SLC22A3: variants seen among roughly 807,000 people sequenced by gnomAD.
SLC22A3 encodes the protein EMT organic cation transporter 3.
A neutral mutation model predicts 59.1 loss-of-function variants in SLC22A3; 51 were observed. The observed-to-expected ratio is 0.86, with a 90% confidence interval of 0.69 to 1.09. The LOEUF (loss-of-function observed/expected upper bound fraction) is 1.09, where lower values mean the gene tolerates loss of function less well. SLC22A3 is among the 50% of genes least tolerant of loss of function. The probability of loss-of-function intolerance (pLI) is 0.00; values close to 1 mark genes in which losing one functional copy is unlikely to be tolerated. For synonymous variants in SLC22A3, 325 were observed against 292.0 expected, an observed-to-expected ratio of 1.11 and a Z score of -1.15; for missense variants, 711 against 726.3, an observed-to-expected ratio of 0.98 and a Z score of 0.24.
intron 1 of SLC22A3, among the ~76,000 whole-genome samples, chr6:160,372,672 T>A (rs967170991): frequency 1.1e-4 from 16 of 152,166 alleles, no homozygotes; most frequent in Non-Finnish European, 2.2e-4. Context: ...AGTCTCATAT[T>A]TCTTGGAGGC....
chr6:160,428,206 G>T (rs1788034665), intron 5 of SLC22A3, among the ~76,000 whole-genome samples: 2 of 152,108 alleles, frequency 1.3e-5, no homozygotes, highest in South Asian at 4.1e-4. Context: ...CAATACTGAG[G>T]CTGCCCTCTG....
In SLC22A3 at chr6:160,367,703, G is replaced by A. The variant is rs189677189; in HGVS notation, c.429+18855G>A. Among the ~76,000 whole-genome samples the A allele has an allele frequency of 5.9e-5, 9 of 152,298 alleles. No individual in the cohort carries two copies. In the East Asian group the frequency reaches 1.5e-3, roughly 26 times the overall value. On this transcript the variant is annotated intron_variant, in intron 1 of 10. Coordinates refer to ENST00000275300, the MANE Select transcript of SLC22A3 (RefSeq NM_021977.4). ...CTGAAATGCACTAATATGCTCATTTGTGAGGTAGTACAGAGTGGTCAGGGC... is the reference window on the plus strand; with the variant it reads ...CTGAAATGCACTAATATGCTCATTTATGAGGTAGTACAGAGTGGTCAGGGC...
intron 1 of SLC22A3, among the ~76,000 whole-genome samples, chr6:160,359,667 T>A (rs557466954): frequency 6.6e-6 from 1 of 152,322 alleles, no homozygotes; most frequent in South Asian, 2.1e-4. Flanking sequence ...TGTAATTAAA[T>A]CTAGCCTTCT....
intron 1 of SLC22A3, among the ~76,000 whole-genome samples, chr6:160,389,762 T>C (rs908642422): frequency 2.0e-5 from 3 of 152,164 alleles, no homozygotes; most frequent in African/African-American, 7.2e-5. Flanking sequence ...GAAACCCTGG[T>C]AGTGCCAGGT....
intron 1 of SLC22A3, among the ~76,000 whole-genome samples, chr6:160,360,842 A>T (rs559897869): frequency 6.6e-6 from 1 of 152,242 alleles, no homozygotes; most frequent in Non-Finnish European, 1.5e-5. Context: ...GTGATCATGG[A>T]GCTGGGATCC....
intron 1 of SLC22A3, among the ~76,000 whole-genome samples, chr6:160,378,612 C>T (rs962477964): frequency 2.0e-5 from 3 of 152,122 alleles, no homozygotes; most frequent in Admixed American, 6.5e-5. Context: ...AGAGGCTCCT[C>T]GACTTAGGAT....
intron 1 of SLC22A3, among the ~76,000 whole-genome samples, chr6:160,352,795 A>G (rs1017266969): frequency 2.0e-5 from 3 of 152,168 alleles, no homozygotes; most frequent in African/African-American, 7.2e-5. Context: ...TGTTGATGAC[A>G]AAAGTGTTTT....
intron 5 of SLC22A3, among the ~76,000 whole-genome samples, chr6:160,430,585 G>C (rs1310022160): frequency 6.6e-6 from 1 of 152,140 alleles, no homozygotes. Context: ...ACACAGTCTT[G>C]GCAGAATTAA....
chr6:160,385,669 C>T (rs1785977586), intron 1 of SLC22A3, among the ~76,000 whole-genome samples: 1 of 152,234 alleles, frequency 6.6e-6, no homozygotes, highest in South Asian at 2.1e-4. Context: ...TGCAGCCTTC[C>T]TCTGCCTTCC....
chr6:160,426,157 C>T (rs1787943521), intron 5 of SLC22A3: 1 of 985,322 alleles, frequency 1.0e-6, no homozygotes, highest in Admixed American at 6.1e-5. Context: ...TCTTCAAACT[C>T]TTCAGCTATA....
intron 1 of SLC22A3, among the ~76,000 whole-genome samples, chr6:160,353,146 T>G (rs1032523997): frequency 1.8e-4 from 28 of 152,296 alleles, no homozygotes; most frequent in South Asian, 1.0e-3. Flanking sequence ...AGGACTCTAA[T>G]GAGTGAACAG....
At chr6:160,413,974 A>C (rs1699194159) in intron 5 of SLC22A3, among the ~76,000 whole-genome samples, 1 of 152,172 alleles carries the variant, frequency 6.6e-6, no homozygotes, top group African/African-American at 2.4e-5. Flanking sequence ...GGAATAAAAA[A>C]ATTCCTGGGG....
chr6:160,370,283 T>C (rs1053279719), intron 1 of SLC22A3, among the ~76,000 whole-genome samples: 4 of 152,236 alleles, frequency 2.6e-5, no homozygotes, highest in Non-Finnish European at 4.4e-5. Context: ...GGCAAAGTTT[T>C]GAAAGAGCAT....
intron 1 of SLC22A3, among the ~76,000 whole-genome samples, chr6:160,364,904 C>T (rs1054291610): frequency 1.4e-4 from 22 of 152,106 alleles, no homozygotes; most frequent in Admixed American, 4.6e-4. Context: ...CTTTTAATAG[C>T]TATGCTCTGT....
intron 1 of SLC22A3, among the ~76,000 whole-genome samples, chr6:160,394,558 A>C (rs948075176): frequency 1.1e-4 from 16 of 152,228 alleles, no homozygotes; most frequent in African/African-American, 3.9e-4. Flanking sequence ...AGGAAACACA[A>C]GCGTGTGTGG....
At chr6:160,422,604 AT>A (rs1159116952) in intron 5 of SLC22A3, among the ~76,000 whole-genome samples, 1 of 152,128 alleles carries the variant, frequency 6.6e-6, no homozygotes, top group East Asian at 1.9e-4. Flanking sequence ...TTTTCTCTGA[AT>A]TTGGTGCTAT....
Position 160,434,667 on chromosome 6 carries a change from A to G in SLC22A3, c.976-2113A>G, listed in dbSNP as rs565072639. Among the ~76,000 whole-genome samples, 84 of 152,320 alleles carry G rather than the reference A, an allele frequency of 5.5e-4. 1 individual carries two copies. The highest frequency in any genetic ancestry group is 3.4e-3 in the Middle Eastern group (1 of 294). On this transcript the variant is annotated intron_variant, in intron 5 of 10. Transcript: ENST00000275300. ...ATACCATAATATATATTTGTAATCT[A>G]TGGAGTTCCTATCTTTCACTTTTGA...
At chr6:160,363,709 C>T (rs1173061778) in intron 1 of SLC22A3, among the ~76,000 whole-genome samples, 2 of 152,192 alleles carry the variant, frequency 1.3e-5, no homozygotes, top group East Asian at 1.9e-4. Flanking sequence ...GCATGTCTTG[C>T]ATCCCCTGCC....
chr6:160,406,895 A>C (rs1182029964), intron 2 of SLC22A3, 146 bp from the exon 3 acceptor site: 4 of 951,248 alleles, frequency 4.2e-6, no homozygotes, highest in East Asian at 5.9e-5. Flanking sequence ...ACATAGGGAC[A>C]CCCTGTCTCT....
Sources: gnomAD v4.1 joint callset for allele counts (sites outside exome capture counted in the v4.1 genomes callset) on GRCh38, gnomAD v4.1.1 for gene constraint, MANE v1.5 for transcripts, NCBI Gene and HGNC (gene_info 2026-07-23, HGNC 2026-07-21) for gene names.